The following BUB1B variants were observed in gnomAD, a reference collection of about 807,000 sequenced individuals.
The protein encoded by BUB1B is mitotic checkpoint serine/threonine-protein kinase BUB1 beta.
BUB1B carries 86 observed loss-of-function variants against 137.7 expected under a neutral mutation model. The observed-to-expected ratio is 0.62, with a 90% CI of 0.52 to 0.75. The LOEUF (loss-of-function observed/expected upper bound fraction) is 0.75, where lower values mean the gene tolerates loss of function less well. Among genes scored for constraint, BUB1B ranks in the 30% least tolerant of loss-of-function variants. The probability of loss-of-function intolerance (pLI) is 0.00; values close to 1 mark genes in which losing one functional copy is unlikely to be tolerated. For synonymous variants in BUB1B, 420 were observed against 417.9 expected (o/e 1.00, Z -0.06); for missense variants, 1,130 against 1,236.9 (o/e 0.91, Z 1.30).
rs758347429 is a variant in BUB1B at position 40,170,627 on chromosome 15, A to G, written c.330A>G (p.Gln110=). The G allele has an allele frequency of 6.2e-7, 1 of 1,613,620 alleles. No individual in the cohort carries two copies. The highest frequency in any genetic ancestry group is 8.5e-7 in the Non-Finnish European group (1 of 1,179,698). ...TAGAAAGAGCTGTAGAAGCACTACAAGGAGAAAAACGATATTATAGTGATC... is the reference window on the plus strand; with the variant it reads ...TAGAAAGAGCTGTAGAAGCACTACAGGGAGAAAAACGATATTATAGTGATC... ...TLLERAVEAL[Q]GEKRYYSDPR... Residue 110 remains glutamine, a synonymous_variant, in exon 4 of 23, where the codon CAA becomes CAG. Transcript: ENST00000287598.
At chr15:40,193,272 C>T (rs1216658792) in intron 8 of BUB1B, among the ~76,000 whole-genome samples, 1 of 152,110 alleles carries the variant, frequency 6.6e-6, no homozygotes, top group African/African-American at 2.4e-5. Flanking sequence ...TGCATTCCTA[C>T]CACCCATCAA....
chr15:40,185,759 G>T (rs1042936430), intron 8 of BUB1B, 117 bp downstream of exon 8: 3 of 952,110 alleles, frequency 3.2e-6, no homozygotes, highest in Non-Finnish European at 5.0e-6. Flanking sequence ...CAGGCCAGGC[G>T]CAGTAGCTCA....
At chr15:40,181,265 A>G (rs1595517314) in intron 5 of BUB1B, among the ~76,000 whole-genome samples, 1 of 151,440 alleles carries the variant, frequency 6.6e-6, no homozygotes, top group South Asian at 2.1e-4. Context: ...CTAATTTTCT[A>G]TTTTTAGTAG....
chr15:40,178,593 G>A (rs963596690), intron 5 of BUB1B, among the ~76,000 whole-genome samples: 1 of 152,048 alleles, frequency 6.6e-6, no homozygotes, highest in Non-Finnish European at 1.5e-5. Flanking sequence ...CTGGTAGTCT[G>A]TTCTGGTCTT....
At chr15:40,179,826 C>T (rs886378427) in intron 5 of BUB1B, among the ~76,000 whole-genome samples, 12 of 151,968 alleles carry the variant, frequency 7.9e-5, no homozygotes, top group Admixed American at 2.6e-4. Flanking sequence ...TAATGTTTTA[C>T]CATTTAAAGT....
At position 40,180,642 on chromosome 15, in the gene BUB1B, CTTTTTTTTTTTT is replaced by C. The variant is rs71132149; in HGVS notation, c.582-3058_582-3047del. On this transcript the variant is annotated intron_variant, in intron 5 of 22. Transcript: ENST00000287598. Reference sequence around the variant, plus strand: ...CCTCCTTGGTTTCTTTTTTCTTTTTCTTTTTTTTTTTTTTTTTTTTTTTTTGAGACGGAGTCT... The same window carrying C: ...CCTCCTTGGTTTCTTTTTTCTTTTTCTTTTTTTTTTTTTGAGACGGAGTCT... 6.1e-5 allele frequency among the ~76,000 whole-genome samples: 4 copies of C among 65,852 alleles called. No homozygotes were observed. The East Asian group carries it at 1.6e-3, about 26-fold the overall frequency. The allele number at this position is 65,852 out of a possible 152,430, so 43.2% of individuals were successfully genotyped here.
intron 4 of BUB1B, among the ~76,000 whole-genome samples, chr15:40,171,076 C>A (rs1365552755): frequency 1.3e-5 from 2 of 152,008 alleles, no homozygotes; most frequent in African/African-American, 4.8e-5. Context: ...GCTGGGACTA[C>A]AGGTGCTGTG....
At chr15:40,218,131 TG>T (rs1156765197) in intron 21 of BUB1B, among the ~76,000 whole-genome samples, 5 of 152,270 alleles carry the variant, frequency 3.3e-5, no homozygotes, top group Non-Finnish European at 7.3e-5. Flanking sequence ...TGATTGAATA[TG>T]TAGCACAAAC....
intron 2 of BUB1B, among the ~76,000 whole-genome samples, chr15:40,169,609 CTTTTTTTT>C (rs893767898): frequency 1.0e-4 from 10 of 96,946 alleles, no homozygotes; most frequent in African/African-American, 3.0e-4. Flanking sequence ...TATTTCTATT[CTTTTTTTT>C]TTTTTTTTTT....
chr15:40,164,186 A>G (rs2037068720), intron 1 of BUB1B, among the ~76,000 whole-genome samples: 1 of 152,092 alleles, frequency 6.6e-6, no homozygotes, highest in Non-Finnish European at 1.5e-5. Context: ...GTTTTGAATC[A>G]TCATTGAAAC....
chr15:40,183,689 A>G (rs767481744), intron 5 of BUB1B, 25 bp from the exon 6 acceptor site: 1 of 1,613,212 alleles, frequency 6.2e-7, no homozygotes, highest in Non-Finnish European at 8.5e-7. Context: ...CACCTCACTA[A>G]AAGTTGTGCA....
Position 40,212,585 on chromosome 15 carries a change from C to G in BUB1B, c.2472C>G (p.Ser824Arg), listed in dbSNP as rs1262972802. Residue 824 changes from serine (S) to arginine (R), a missense_variant, in exon 19 of 23, where the codon AGC (serine) becomes AGG (arginine). Physicochemically the swap from Ser to Arg is moderately radical, Grantham distance 110. Coordinates refer to ENST00000287598, the MANE Select transcript of BUB1B (RefSeq NM_001211.6). ...ATGAAGATTTTGATCATTTTTGCAGCTGTTATCAATATCAAGATGGCTGTA... is the reference window on the plus strand; with the variant it reads ...ATGAAGATTTTGATCATTTTTGCAGGTGTTATCAATATCAAGATGGCTGTA... ...RLNEDFDHFC[S>R]CYQYQDGCIV... The G allele has an allele frequency of 2.5e-6, 4 of 1,613,540 alleles. No individual in the cohort carries two copies. Among genetic ancestry groups the G allele is most frequent in the Non-Finnish European group, 3.4e-6 (4 of 1,179,622 alleles).
At chr15:40,180,593 T>C (rs949453083) in intron 5 of BUB1B, among the ~76,000 whole-genome samples, 11 of 150,590 alleles carry the variant, frequency 7.3e-5, no homozygotes, top group Non-Finnish European at 7.4e-5. Context: ...ACCACTTTAA[T>C]GATGTTATCC....
rs1046094576 is a variant in BUB1B at position 40,202,317 on chromosome 15, C to G, written c.1568-88C>G. ...AACAGGTTGCCTTCCTGCTTTCAAA[C>G]AACACAAAATATTGATTAATTTATC... On this transcript the variant is annotated intron_variant, in intron 12 of 22. Coordinates refer to ENST00000287598, the MANE Select transcript of BUB1B (RefSeq NM_001211.6). 8.3e-6 allele frequency: 10 copies of G among 1,200,258 alleles called. No homozygotes were observed. The Admixed American group carries it at 1.9e-4, about 23-fold the overall frequency. 74.4% of individuals were successfully genotyped at this position (1,200,258 alleles called of 1,614,324 possible). A position where few individuals can be genotyped will look rare whatever the true frequency, so the allele number is the denominator to read the frequency against.
At chr15:40,217,724 T>C in intron 21 of BUB1B, 57 bp downstream of exon 21, 1 of 1,595,078 alleles carries the variant, frequency 6.3e-7, no homozygotes. Context: ...CTCTTTATTA[T>C]CTAGATAAGC....
At position 40,201,767 on chromosome 15, in the gene BUB1B, T is replaced by C. The variant is rs573394128; in HGVS notation, c.1568-638T>C. ...CTACAAGCTCTGCCTCCTGGGTTCA[T>C]GCCATTCTCTTGCCTCAGCCTCCCG... On this transcript the variant is annotated intron_variant, in intron 12 of 22. Transcript: ENST00000287598. Among the ~76,000 whole-genome samples, 33 of 152,266 alleles carry C rather than the reference T, an allele frequency of 2.2e-4. No individual in the cohort carries two copies. The East Asian group carries it at 4.4e-3, about 21-fold the overall frequency.
In BUB1B at chr15:40,185,344, G is replaced by A; in HGVS notation, c.931G>A (p.Gly311Ser). Residue 311 changes from glycine (G) to serine (S), a missense_variant, in exon 7 of 23, where the codon GGC (glycine) becomes AGC (serine). Transcript: ENST00000287598. ...GGCCAAAGAGAATGAGCTGCAAGCA[G>A]GCCCTTGGAACACAGGCAGGTCCTT... The part of the protein sequence containing the change: ...PRAKENELQA[G>S]PWNTGRSLEH... 6.2e-7 allele frequency: 1 copy of A among 1,614,176 alleles called. No homozygotes were observed. Among genetic ancestry groups the A allele is most frequent in the Non-Finnish European group, 8.5e-7 (1 of 1,180,042 alleles).
intron 15 of BUB1B, 98 bp downstream of exon 15, chr15:40,206,556 A>G: frequency 6.9e-7 from 1 of 1,450,270 alleles, no homozygotes; most frequent in Non-Finnish European, 9.6e-7. Context: ...GTTCTTACTA[A>G]CTGCCAGGTA....
intron 8 of BUB1B, among the ~76,000 whole-genome samples, chr15:40,196,168 TGA>T (rs1043092064): frequency 1.3e-5 from 2 of 152,206 alleles, no homozygotes; most frequent in Non-Finnish European, 2.9e-5. Context: ...TTGTATAAGG[TGA>T]GAGAGGAGGA....
Sources: allele counts gnomAD v4.1 joint callset (sites outside exome capture counted in the v4.1 genomes callset), GRCh38; gene constraint gnomAD v4.1.1; transcripts MANE v1.5; gene names NCBI Gene and HGNC (gene_info 2026-07-23, HGNC 2026-07-21).